Variants in ZRANB1 observed in about 807,000 individuals in gnomAD.
ZRANB1 encodes the protein ubiquitin thioesterase ZRANB1.
Under a neutral mutation model 80.5 loss-of-function variants are expected in ZRANB1, and 16 were observed. The observed-to-expected ratio is 0.20, with a 90% confidence interval of 0.13 to 0.30. ZRANB1 has a LOEUF of 0.30. Ranked by LOEUF, ZRANB1 falls within the 10% of genes least tolerant of loss-of-function variation. ZRANB1 has a pLI of 1.00. For synonymous variants in ZRANB1, 291 were observed against 293.1 expected (o/e 0.99, Z 0.07); for missense variants, 576 against 862.6 (o/e 0.67, Z 4.16).
At chr10:124,943,710 G>A (rs1951556796) in intron 1 of ZRANB1, among the ~76,000 whole-genome samples, 1 of 152,092 alleles carries the variant, frequency 6.6e-6, no homozygotes, top group Admixed American at 6.5e-5. Flanking sequence ...TGGGGGCAGT[G>A]GAAACGTTTA....
intron 1 of ZRANB1, among the ~76,000 whole-genome samples, chr10:124,963,223 G>A (rs930423242): frequency 1.4e-4 from 19 of 140,254 alleles, no homozygotes; most frequent in African/African-American, 4.4e-4. Flanking sequence ...CTAAGATCGC[G>A]TCACTGCATT....
At chr10:124,965,463 G>A (rs1951768834) in intron 1 of ZRANB1, among the ~76,000 whole-genome samples, 1 of 152,168 alleles carries the variant, frequency 6.6e-6, no homozygotes, top group South Asian at 2.1e-4. Context: ...TGAGGATTCA[G>A]TAAATGTGGG....
chr10:124,926,877 A>T, the ZRANB1 span, among the ~76,000 whole-genome samples: 1 of 152,212 alleles, frequency 6.6e-6, no homozygotes, highest in Non-Finnish European at 1.5e-5. Context: ...CAGCTTTGTT[A>T]TATAATCTTA....
At chr10:124,949,605 T>G (rs1302307186) in intron 1 of ZRANB1, among the ~76,000 whole-genome samples, 1 of 150,698 alleles carries the variant, frequency 6.6e-6, no homozygotes, top group Non-Finnish European at 1.5e-5. Flanking sequence ...CACTGCAGCC[T>G]TGACCTCCTG....
the ZRANB1 span, among the ~76,000 whole-genome samples, chr10:124,924,297 T>TAA: frequency 4.4e-5 from 6 of 137,080 alleles, no homozygotes; most frequent in Admixed American, 3.7e-4. Context: ...CAGTTTTTTC[T>TAA]AAAAAAAAAA....
At chr10:124,922,300 A>AATATATATATATATATGTAAT in the ZRANB1 span, among the ~76,000 whole-genome samples, 1 of 24,844 alleles carries the variant, frequency 4.0e-5, no homozygotes, top group African/African-American at 5.7e-5. Context: ...ATATATGTAA[A>AATATATATATATATATGTAAT]ATATATATAT....
At position 124,967,961 on chromosome 10, in the gene ZRANB1, C is replaced by T. The variant is rs541888214; in HGVS notation, c.1002+1180C>T. On this transcript the variant is annotated intron_variant, in intron 2 of 8. Transcript: ENST00000359653. Reference sequence around the variant, plus strand: ...TTGCCCAGGCTGTAGTATAGTGGCACGATCTTGGCTTACTGCAGCCTCTGC... The same window carrying T: ...TTGCCCAGGCTGTAGTATAGTGGCATGATCTTGGCTTACTGCAGCCTCTGC... 2.6e-5 allele frequency among the ~76,000 whole-genome samples: 4 copies of T among 151,450 alleles called. No homozygotes were observed. The South Asian group carries it at 6.2e-4, about 24-fold the overall frequency.
At chr10:124,973,267 C>T (rs1001272798) in intron 3 of ZRANB1, among the ~76,000 whole-genome samples, 1 of 152,186 alleles carries the variant, frequency 6.6e-6, no homozygotes, top group African/African-American at 2.4e-5. Flanking sequence ...AGTTCTCTCA[C>T]CGTAGCCTCC....
chr10:124,931,567 C>T, the ZRANB1 span, among the ~76,000 whole-genome samples: 1 of 152,122 alleles, frequency 6.6e-6, no homozygotes, highest in Non-Finnish European at 1.5e-5. Context: ...GACAAGGTTT[C>T]ACCATGTTGA....
At chr10:124,975,671 AAATT>A (rs1951870817) in intron 5 of ZRANB1, among the ~76,000 whole-genome samples, 1 of 152,114 alleles carries the variant, frequency 6.6e-6, no homozygotes, top group Non-Finnish European at 1.5e-5. Context: ...CCCGGCCTAT[AAATT>A]ACTTTCTTGA....
chr10:124,936,802 C>T, the ZRANB1 span, among the ~76,000 whole-genome samples: 76 of 152,140 alleles, frequency 5.0e-4, no homozygotes, highest in Non-Finnish European at 8.4e-4. Flanking sequence ...TTGGAAAATC[C>T]GTTTTAGTTT....
upstream of ZRANB1, among the ~76,000 whole-genome samples, chr10:124,938,823 T>C (rs911842074): frequency 1.3e-5 from 2 of 151,034 alleles, no homozygotes; most frequent in Non-Finnish European, 3.0e-5. Context: ...ACTCCTTCCT[T>C]GGCCTCCTGA....
chr10:124,970,450 C>T lies in ZRANB1; in HGVS notation c.1003-1515C>T, dbSNP rs59418673. ...AATATTTTGGGGTTTTTTGTAGAGG[C>T]AGAGTTTCATTATGTTGCCCAGGCT... On this transcript the variant is annotated intron_variant, in intron 2 of 8. Coordinates refer to ENST00000359653, the MANE Select transcript of ZRANB1 (RefSeq NM_017580.3). 9.2e-3 allele frequency among the ~76,000 whole-genome samples: 1,391 copies of T among 151,958 alleles called. 19 individuals are homozygous for T. Among genetic ancestry groups the T allele is most frequent in the African/African-American group, 0.032 (1,316 of 41,416 alleles).
the ZRANB1 span, among the ~76,000 whole-genome samples, chr10:124,923,002 C>T: frequency 2.0e-5 from 3 of 152,042 alleles, no homozygotes; most frequent in African/African-American, 7.2e-5. Flanking sequence ...CTATAAAGAA[C>T]TATCAGCCGG....
intron 1 of ZRANB1, among the ~76,000 whole-genome samples, chr10:124,956,403 T>C (rs2134264409): frequency 6.6e-6 from 1 of 152,338 alleles, no homozygotes; most frequent in Admixed American, 6.5e-5. Context: ...TCTTCTTCTC[T>C]CTACCTCCAG....
chr10:124,981,969 T>G (rs1373509463), intron 6 of ZRANB1, 140 bp downstream of exon 6: 1 of 1,010,674 alleles, frequency 9.9e-7, no homozygotes, highest in African/African-American at 1.7e-5. Flanking sequence ...CAACTTGGGT[T>G]CTAGTGATGA....
chr10:124,952,118 AAT>A (rs147579561), intron 1 of ZRANB1, among the ~76,000 whole-genome samples: 271 of 152,278 alleles, frequency 1.8e-3, no homozygotes, highest in African/African-American at 6.1e-3. Context: ...GACCAATATA[AAT>A]AGAGTGGCAG....
rs1952087818 is a variant in ZRANB1, at chr10:124,987,600, C to T, written c.*2608C>T. Reference sequence around the variant, plus strand: ...AAGACGTTAAACTACCTTTTTGTTCCCTGGGGTAATAGGTCAGTAACTATG... The same window carrying T: ...AAGACGTTAAACTACCTTTTTGTTCTCTGGGGTAATAGGTCAGTAACTATG... On this transcript the variant is annotated 3_prime_UTR_variant, in exon 9 of 9. Transcript: ENST00000359653. The T allele has an allele frequency of 1.3e-5, 2 of 152,012 alleles. No individual in the cohort carries two copies. Among genetic ancestry groups the T allele is most frequent in the Non-Finnish European group, 2.9e-5 (2 of 68,018 alleles). The allele number at this position is 152,012 out of a possible 1,614,324, so 9.4% of individuals were successfully genotyped here. A position where few individuals can be genotyped will look rare whatever the true frequency, so the allele number is the denominator to read the frequency against.
At chr10:124,925,055 G>A in the ZRANB1 span, among the ~76,000 whole-genome samples, 1 of 151,900 alleles carries the variant, frequency 6.6e-6, no homozygotes, top group Non-Finnish European at 1.5e-5. Flanking sequence ...CTACAGGCAC[G>A]CACCACCATG....
Sources: allele counts gnomAD v4.1 joint callset (sites outside exome capture counted in the v4.1 genomes callset), GRCh38; gene constraint gnomAD v4.1.1; transcripts MANE v1.5; gene names NCBI Gene and HGNC (gene_info 2026-07-23, HGNC 2026-07-21).